The following TSPYL6 variants were observed in gnomAD, a reference collection of about 807,000 sequenced individuals.
TSPYL6 encodes testis-specific Y-encoded-like protein 6.
For missense variants in TSPYL6, 699 were observed against 531.5 expected (o/e 1.32, Z -3.10); for synonymous variants, 259 against 214.8 (o/e 1.21, Z -1.80).
At position 54,255,531 on chromosome 2, in the gene TSPYL6, G is replaced by A; in HGVS notation, c.621C>T (p.Ser207=). The part of the protein sequence containing the change: ...NVGLHLNPLE[S]IQLELDSVNA... ...TCACGGAGTCCAGTTCCAGCTGGAT[G>A]GACTCCAGGGGGTTCAGGTGGAGAC... Residue 207 remains serine (S), a synonymous_variant, in exon 1 of 1, where the codon TCC becomes TCT. Transcript: ENST00000317802. 6.2e-7 allele frequency: 1 copy of A among 1,613,838 alleles called. No individual in the cohort carries two copies. Among genetic ancestry groups the A allele is most frequent in the Non-Finnish European group, 8.5e-7 (1 of 1,179,990 alleles).
chr2:54,255,325 T>A lies in TSPYL6; in HGVS notation c.827A>T (p.Tyr276Phe), dbSNP rs780364744. 3 of 1,614,182 alleles carry A rather than the reference T, an allele frequency of 1.9e-6. No individual in the cohort carries two copies. In the East Asian group the frequency reaches 6.7e-5, roughly 36 times the overall value. ...IRGQDAEMLS[Y>F]LTNLEVKELR... ...CTCCTTCACTTCCAAATTGGTTAAG[T>A]AGCTTAACATCTCGGCATCTTGGCC... The change falls in exon 1 of 1, where the codon TAC becomes TTC. Residue 276 changes from tyrosine to phenylalanine, a missense_variant. Coordinates refer to ENST00000317802, the MANE Select transcript of TSPYL6 (RefSeq NM_001003937.3).
Position 54,255,813 on chromosome 2 carries a change from A to T in TSPYL6, c.339T>A (p.Asn113Lys). 1 of 1,613,770 alleles carries T rather than the reference A, an allele frequency of 6.2e-7. No homozygotes were observed. The highest frequency in any genetic ancestry group is 8.5e-7 in the Non-Finnish European group (1 of 1,179,978). ...CGTGCGTCTCTTCACCCGGAAAGCC[A>T]TTTTTGAGGCTGCCGTCAGTTGTCA... is the stretch of plus-strand genomic sequence containing the variant. ...ASLTTDGSLK[N>K]GFPGEETHGL... Residue 113 changes from asparagine to lysine, a missense_variant, in exon 1 of 1, where the codon AAT (asparagine) becomes AAA (lysine). Transcript: ENST00000317802.
rs1185380754 is a variant in TSPYL6, at chr2:54,253,560, T to C, written c.*1359A>G. ...GGGAACATATTTAACACTCCAACCA[T>C]CTTCTATTCTTCTACGTGCATACTA... On this transcript the variant is annotated 3_prime_UTR_variant, in exon 1 of 1. Coordinates refer to ENST00000317802, the MANE Select transcript of TSPYL6 (RefSeq NM_001003937.3). The C allele has an allele frequency of 1.3e-5, 2 of 152,188 alleles. No homozygotes were observed. The highest frequency in any genetic ancestry group is 2.9e-5 in the Non-Finnish European group (2 of 68,026). The allele number at this position is 152,188 out of a possible 1,614,324, so 9.4% of individuals were successfully genotyped here.
In TSPYL6 at chr2:54,255,581, G is replaced by A. The variant is rs1482693318; in HGVS notation, c.571C>T (p.Pro191Ser). Reference protein sequence around the residue: ...DEVNREAGPGPGPGPLNVGLH... With the variant: ...DEVNREAGPGSGPGPLNVGLH... ...CCCACGTTCAGGGGCCCGGGCCCGG[G>A]CCCAGGCCCTGCCTCCCTGTTTACC... The change falls in exon 1 of 1, where the codon CCC becomes TCC. Residue 191 changes from proline to serine, a missense_variant. By Grantham distance (74) the Pro-to-Ser change is moderately conservative. Coordinates refer to ENST00000317802, the MANE Select transcript of TSPYL6 (RefSeq NM_001003937.3). 7 of 1,612,890 alleles carry A rather than the reference G, an allele frequency of 4.3e-6. No individual in the cohort carries two copies. In the South Asian group the frequency reaches 6.6e-5, roughly 15 times the overall value.
rs1687365283 is a variant in TSPYL6 at position 54,254,120 on chromosome 2, T to A, written c.*799A>T. 1 of 152,206 alleles carries A rather than the reference T, an allele frequency of 6.6e-6. No individual in the cohort carries two copies. Among genetic ancestry groups the A allele is most frequent in the Non-Finnish European group, 1.5e-5 (1 of 68,038 alleles). The allele number at this position is 152,206 out of a possible 1,614,324, so 9.4% of individuals were successfully genotyped here. A position where few individuals can be genotyped will look rare whatever the true frequency, so the allele number is the denominator to read the frequency against. ...GTACTTGTCAAGAACACCAACATAT[T>A]AACCTTGCCATGAGGATAGGGTCTG... is the stretch of plus-strand genomic sequence containing the variant. On this transcript the variant is annotated 3_prime_UTR_variant, in exon 1 of 1. Transcript: ENST00000317802.
chr2:54,254,145 G>C lies in TSPYL6; in HGVS notation c.*774C>G, dbSNP rs1438859234. On this transcript the variant is annotated 3_prime_UTR_variant, in exon 1 of 1. Coordinates refer to ENST00000317802, the MANE Select transcript of TSPYL6 (RefSeq NM_001003937.3). ...TAACCTTGCCATGAGGATAGGGTCTGACATGTCCCCTCAACCACCTGTCTA... is the reference window on the plus strand; with the variant it reads ...TAACCTTGCCATGAGGATAGGGTCTCACATGTCCCCTCAACCACCTGTCTA... The C allele has an allele frequency of 6.6e-6, 1 of 152,256 alleles. No individual in the cohort carries two copies. The highest frequency in any genetic ancestry group is 1.5e-5 in the Non-Finnish European group (1 of 68,086). The allele number at this position is 152,256 out of a possible 1,614,324, so 9.4% of individuals were successfully genotyped here.
rs749476045 is a variant in TSPYL6 at position 54,254,906 on chromosome 2, C to T, written c.*13G>A. ...CAGGCAACCTTCTGCAGGAGTAATT[C>T]CAAAGGCAAAGGTTAACCACACTGG... is the stretch of plus-strand genomic sequence containing the variant. On this transcript the variant is annotated 3_prime_UTR_variant, in exon 1 of 1. Transcript: ENST00000317802. The T allele has an allele frequency of 6.3e-7, 1 of 1,599,444 alleles. No homozygotes were observed.
At position 54,255,306 on chromosome 2, in the gene TSPYL6, C is replaced by G; in HGVS notation, c.846G>C (p.Val282=). 1 of 1,614,198 alleles carries G rather than the reference C, an allele frequency of 6.2e-7. No homozygotes were observed. The highest frequency in any genetic ancestry group is 1.3e-5 in the African/African-American group (1 of 75,046). Reference sequence around the variant, plus strand: ...CTGTCCTAGGGTGTCTGAGCTCCTTCACTTCCAAATTGGTTAAGTAGCTTA... The same window carrying G: ...CTGTCCTAGGGTGTCTGAGCTCCTTGACTTCCAAATTGGTTAAGTAGCTTA... ...EMLSYLTNLE[V]KELRHPRTGC... Residue 282 remains valine, a synonymous_variant, in exon 1 of 1, where the codon GTG becomes GTC. Transcript: ENST00000317802.
At position 54,255,304 on chromosome 2, in the gene TSPYL6, T is replaced by C. The variant is rs1400346346; in HGVS notation, c.848A>G (p.Lys283Arg). 6.2e-7 allele frequency: 1 copy of C among 1,614,072 alleles called. No individual in the cohort carries two copies. Residue 283 changes from lysine to arginine, a missense_variant, in exon 1 of 1, where the codon AAG becomes AGG. Physicochemically the swap from Lys to Arg is conservative, Grantham distance 26. Transcript: ENST00000317802. The stretch of plus-strand genomic sequence containing the variant: ...GCCTGTCCTAGGGTGTCTGAGCTCC[T>C]TCACTTCCAAATTGGTTAAGTAGCT... ...MLSYLTNLEV[K>R]ELRHPRTGCK...
rs1363386484 is a variant in TSPYL6 at position 54,255,981 on chromosome 2, C to T, written c.171G>A (p.Glu57=). ...CTGCGGGATCCTGGGGCGCGACCCC[C>T]TCCTCTGGAAGCCGGGGCGGTGGGA... ...IVFPPPRLPE[E]GVAPQDPADG... The change falls in exon 1 of 1, where the codon GAG becomes GAA. Residue 57 remains glutamate (E), a synonymous_variant. Coordinates refer to ENST00000317802, the MANE Select transcript of TSPYL6 (RefSeq NM_001003937.3). 4 of 1,614,080 alleles carry T rather than the reference C, an allele frequency of 2.5e-6. No individual in the cohort carries two copies. The African/African-American group carries it at 5.3e-5, about 22-fold the overall frequency.
chr2:54,254,988 A>G lies in TSPYL6; in HGVS notation c.1164T>C (p.His388=), dbSNP rs1441684304. The G allele has an allele frequency of 1.2e-6, 2 of 1,614,062 alleles. No homozygotes were observed. Among genetic ancestry groups the G allele is most frequent in the East Asian group, 2.2e-5 (1 of 44,868 alleles). Residue 388 remains histidine, a synonymous_variant, in exon 1 of 1, where the codon CAT becomes CAC. Transcript: ENST00000317802. ...CCCTTACCAGGCGACGTCTAGCTCT[A>G]TGGGCGTCTTCACCCAACAGGTAGT... ...LQYYLLGEDA[H]RARRRLVREP...
At position 54,255,542 on chromosome 2, in the gene TSPYL6, G is replaced by T. The variant is rs532273037; in HGVS notation, c.610C>A (p.Pro204Thr). ...AGTTCCAGCTGGATGGACTCCAGGG[G>T]GTTCAGGTGGAGACCCACGTTCAGG... ...GPLNVGLHLNPLESIQLELDS... is the reference protein window; with the variant it reads ...GPLNVGLHLNTLESIQLELDS... Residue 204 changes from proline to threonine, a missense_variant, in exon 1 of 1, where the codon CCC becomes ACC. By Grantham distance (38) the Pro-to-Thr change is conservative. Coordinates refer to ENST00000317802, the MANE Select transcript of TSPYL6 (RefSeq NM_001003937.3). 24 of 1,613,424 alleles carry T rather than the reference G, an allele frequency of 1.5e-5. No homozygotes were observed. The South Asian group carries it at 2.5e-4, about 17-fold the overall frequency.
rs776739294 is a variant in TSPYL6 at position 54,255,921 on chromosome 2, C to G, written c.231G>C (p.Ala77=). 1.2e-6 allele frequency: 2 copies of G among 1,614,074 alleles called. No homozygotes were observed. The highest frequency in any genetic ancestry group is 1.7e-6 in the Non-Finnish European group (2 of 1,180,004). ...GGHTFHILVD[A]GRSHGAIKAG... is the part of the protein sequence containing the mutation. ...CTTTGATGGCTCCATGACTGCGACC[C>G]GCATCGACCAAGATGTGGAAAGTAT... The change falls in exon 1 of 1, where the codon GCG becomes GCC. Residue 77 remains alanine, a synonymous_variant. Coordinates refer to ENST00000317802, the MANE Select transcript of TSPYL6 (RefSeq NM_001003937.3).
In TSPYL6 at chr2:54,255,055, G is replaced by C. The variant is rs1320006688; in HGVS notation, c.1097C>G (p.Ala366Gly). The change falls in exon 1 of 1, where the codon GCT (alanine) becomes GGT (glycine). Residue 366 changes from alanine (A) to glycine (G), a missense_variant. Transcript: ENST00000317802. The stretch of plus-strand genomic sequence containing the variant: ...CCAGAGGTCCTCTTTAATAATCTGA[G>C]CAATCCTGTCGGACTCTGGAAGGCT... ...DHSLPESDRI[A>G]QIIKEDLWSN... 6.2e-7 allele frequency: 1 copy of C among 1,614,142 alleles called. No homozygotes were observed. Among genetic ancestry groups the C allele is most frequent in the Non-Finnish European group, 8.5e-7 (1 of 1,180,020 alleles).
In TSPYL6 at chr2:54,255,172, A is replaced by C. The variant is rs1390058725; in HGVS notation, c.980T>G (p.Leu327Arg). The C allele has an allele frequency of 3.1e-6, 5 of 1,614,086 alleles. No individual in the cohort carries two copies. The African/African-American group carries it at 4.0e-5, about 13-fold the overall frequency. Residue 327 changes from leucine to arginine, a missense_variant, in exon 1 of 1, where the codon CTA (leucine) becomes CGA (arginine). By Grantham distance (102) the Leu-to-Arg change is moderately radical (BLOSUM62 -2). Coordinates refer to ENST00000317802, the MANE Select transcript of TSPYL6 (RefSeq NM_001003937.3). ...SFGQVVSFST[L>R]IMWRRGHGPQ... ...TCCATGGCCCCGGCGCCACATGATT[A>C]GAGTGGAAAAAGACACCACTTGGCC... is the stretch of plus-strand genomic sequence containing the variant.
rs1687513698 is a variant in TSPYL6, at chr2:54,256,110, G to A, written c.42C>T (p.Asp14=). ...CCTGGTGCGGGTCTTCCAGAGCATA[G>A]TCGAGAGTAGCGGGGCTGTGAGGAC... ...PESPHSPATL[D]YALEDPHQGQ... The change falls in exon 1 of 1, where the codon GAC becomes GAT. Residue 14 remains aspartate, a synonymous_variant. Transcript: ENST00000317802. 6.2e-7 allele frequency: 1 copy of A among 1,614,146 alleles called. No individual in the cohort carries two copies.
At position 54,255,553 on chromosome 2, in the gene TSPYL6, A is replaced by G; in HGVS notation, c.599T>C (p.Leu200Pro). The change falls in exon 1 of 1, where the codon CTC (leucine) becomes CCC (proline). Residue 200 changes from leucine to proline, a missense_variant. Physicochemically the swap from Leu to Pro is moderately conservative, Grantham distance 98. Coordinates refer to ENST00000317802, the MANE Select transcript of TSPYL6 (RefSeq NM_001003937.3). The stretch of plus-strand genomic sequence containing the variant: ...GATGGACTCCAGGGGGTTCAGGTGG[A>G]GACCCACGTTCAGGGGCCCGGGCCC... ...GPGPGPLNVG[L>P]HLNPLESIQL... 1 of 1,612,040 alleles carries G rather than the reference A, an allele frequency of 6.2e-7. No homozygotes were observed. The highest frequency in any genetic ancestry group is 1.1e-5 in the South Asian group (1 of 90,970).
Position 54,253,645 on chromosome 2 carries a change from T to C in TSPYL6, c.*1274A>G, listed in dbSNP as rs901780275. The stretch of plus-strand genomic sequence containing the variant: ...AACCCAGTGTAAATTCTAGGCCCGA[T>C]TTTCCCCTGAATCATTTCTGCCTTT... On this transcript the variant is annotated 3_prime_UTR_variant, in exon 1 of 1. Coordinates refer to ENST00000317802, the MANE Select transcript of TSPYL6 (RefSeq NM_001003937.3). 2.6e-5 allele frequency: 4 copies of C among 152,286 alleles called. No individual in the cohort carries two copies. The allele number at this position is 152,286 out of a possible 1,614,324, so 9.4% of individuals were successfully genotyped here.
chr2:54,254,954 C>T lies in TSPYL6; in HGVS notation c.1198G>A (p.Glu400Lys). 1 of 1,613,506 alleles carries T rather than the reference C, an allele frequency of 6.2e-7. No individual in the cohort carries two copies. ...ARRRLVREPV[E>K]IPRPFGFQCG ...TGGAACCCAAAGGGCCTGGGGATCT[C>T]CACTGGCTCCCTTACCAGGCGACGT... is the stretch of plus-strand genomic sequence containing the variant. The change falls in exon 1 of 1, where the codon GAG becomes AAG. Residue 400 changes from glutamate to lysine, a missense_variant. Physicochemically the swap from Glu to Lys is moderately conservative, Grantham distance 56. Transcript: ENST00000317802.
Sources: gnomAD v4.1 joint callset for allele counts on GRCh38, gnomAD v4.1.1 for gene constraint, MANE v1.5 for transcripts, NCBI Gene and HGNC (gene_info 2026-07-23, HGNC 2026-07-21) for gene names.